Variants in SPTLC1 observed in about 807,000 individuals in gnomAD.
SPTLC1 encodes the protein serine palmitoyltransferase long chain base subunit 1, also known as serine palmitoyltransferase 1.
SPTLC1 carries 55 observed loss-of-function variants against 68.9 expected under a neutral mutation model. The observed-to-expected ratio is 0.80, with a 90% CI of 0.64 to 1.00. SPTLC1 has a LOEUF of 1.00. SPTLC1 is among the 50% of genes least tolerant of loss of function. The pLI is 0.00. For missense variants in SPTLC1, 449 were observed against 573.1 expected (o/e 0.78, Z 2.21); for synonymous variants, 197 against 201.6 (o/e 0.98, Z 0.19).
At chr9:92,051,112 T>G (rs916946436) in intron 8 of SPTLC1, 3 of 985,244 alleles carry the variant, frequency 3.0e-6, no homozygotes, top group Non-Finnish European at 3.6e-6. Context: ...CCTCCCATTA[T>G]TCTATCAACC....
intron 3 of SPTLC1, among the ~76,000 whole-genome samples, chr9:92,099,713 C>T (rs1835676995): frequency 6.6e-6 from 1 of 152,064 alleles, no homozygotes; most frequent in Admixed American, 6.5e-5. Context: ...AATTCCTGGG[C>T]TCAAGTGACC....
Position 92,034,933 on chromosome 9 carries a change from G to T in SPTLC1, c.1255-50C>A, listed in dbSNP as rs758523980. ...TGCAACCTGGACTTCAGACATGGTG[G>T]TAATTAAACTGGGGGAACGCTGAAA... On this transcript the variant is annotated intron_variant, in intron 13 of 14. Coordinates refer to ENST00000262554, the MANE Select transcript of SPTLC1 (RefSeq NM_006415.4). 4 of 1,455,308 alleles carry T rather than the reference G, an allele frequency of 2.7e-6. No homozygotes were observed. In the South Asian group the frequency reaches 4.5e-5, roughly 17 times the overall value. 90.1% of individuals were successfully genotyped at this position (1,455,308 alleles called of 1,614,324 possible). A position where few individuals can be genotyped will look rare whatever the true frequency, so the allele number is the denominator to read the frequency against.
chr9:92,097,072 G>A (rs1835552546), intron 3 of SPTLC1, among the ~76,000 whole-genome samples: 1 of 152,150 alleles, frequency 6.6e-6, no homozygotes, highest in Admixed American at 6.5e-5. Context: ...ATGAAAAGGT[G>A]CTCAACATCA....
intron 3 of SPTLC1, 68 bp from the exon 4 acceptor site, chr9:92,081,031 T>C (rs1834867549): frequency 1.6e-6 from 2 of 1,214,766 alleles, no homozygotes; most frequent in Non-Finnish European, 1.2e-6. Flanking sequence ...ATTACCTTGG[T>C]GGTAGGCACA....
chr9:92,115,036 T>A (rs1836395783), intron 1 of SPTLC1: 5 of 545,134 alleles, frequency 9.2e-6, no homozygotes, highest in East Asian at 3.2e-5. Context: ...ACCTGTCTCC[T>A]GCGTCCCCTT....
chr9:92,082,472 G>A (rs1048007074), intron 3 of SPTLC1, among the ~76,000 whole-genome samples: 57 of 143,528 alleles, frequency 4.0e-4, no homozygotes, highest in African/African-American at 1.3e-3. Flanking sequence ...TCCCACCTAT[G>A]AGTGAGAACA....
chr9:92,102,429 TG>T lies in SPTLC1; in HGVS notation c.260+6310del, dbSNP rs550051986. Among the ~76,000 whole-genome samples the T allele has an allele frequency of 3.3e-5, 5 of 152,348 alleles. No homozygotes were observed. The South Asian group carries it at 1.0e-3, about 32-fold the overall frequency. ...TCTTTCAAATCACCCTTGAGAAAGCTGAACATCAAAATAGTCAAAAATATTT... is the reference window on the plus strand; with the variant it reads ...TCTTTCAAATCACCCTTGAGAAAGCTAACATCAAAATAGTCAAAAATATTT... On this transcript the variant is annotated intron_variant, in intron 3 of 14. Coordinates refer to ENST00000262554, the MANE Select transcript of SPTLC1 (RefSeq NM_006415.4).
At chr9:92,107,473 C>T (rs1450472762) in intron 3 of SPTLC1, among the ~76,000 whole-genome samples, 1 of 152,244 alleles carries the variant, frequency 6.6e-6, no homozygotes, top group Non-Finnish European at 1.5e-5. Context: ...TAAATTTGGG[C>T]CAGGTGCGGC....
At chr9:92,081,092 T>C (rs1834869387) in intron 3 of SPTLC1, 129 bp from the exon 4 acceptor site, 1 of 707,138 alleles carries the variant, frequency 1.4e-6, no homozygotes, top group Non-Finnish European at 2.5e-6. Context: ...CTTTGATTTC[T>C]TGTTTTTAAG....
chr9:92,053,882 G>C lies in SPTLC1; in HGVS notation c.780+1523C>G, dbSNP rs906141401. On this transcript the variant is annotated intron_variant, in intron 8 of 14. Coordinates refer to ENST00000262554, the MANE Select transcript of SPTLC1 (RefSeq NM_006415.4). ...TAAATGTAATAAATGTCACTGTCCTGTACAATTTAAATTGGTTAATTTTGT... is the reference window on the plus strand; with the variant it reads ...TAAATGTAATAAATGTCACTGTCCTCTACAATTTAAATTGGTTAATTTTGT... 5 of 836,846 alleles carry C rather than the reference G, an allele frequency of 6.0e-6. No individual in the cohort carries two copies. In the Admixed American group the frequency reaches 3.1e-4, roughly 52 times the overall value. 51.8% of individuals were successfully genotyped at this position (836,846 alleles called of 1,614,324 possible).
At chr9:92,036,952 T>C (rs1296459912) in intron 13 of SPTLC1, among the ~76,000 whole-genome samples, 1 of 152,220 alleles carries the variant, frequency 6.6e-6, no homozygotes, top group Non-Finnish European at 1.5e-5. Context: ...CCTCACAAGA[T>C]AAGTAGCTCC....
At chr9:92,089,328 G>T (rs940015812) in intron 3 of SPTLC1, among the ~76,000 whole-genome samples, 1 of 152,130 alleles carries the variant, frequency 6.6e-6, no homozygotes, top group East Asian at 1.9e-4. Context: ...CAGGAGAATC[G>T]CTTGAACCCA....
At chr9:92,101,338 G>A (rs549891592) in intron 3 of SPTLC1, among the ~76,000 whole-genome samples, 11 of 151,962 alleles carry the variant, frequency 7.2e-5, no homozygotes, top group South Asian at 2.1e-4. Context: ...CGAGGTGGGC[G>A]GATCACGAGG....
At chr9:92,053,944 T>A in intron 8 of SPTLC1, 1 of 985,242 alleles carries the variant, frequency 1.0e-6, no homozygotes, top group South Asian at 4.7e-5. Context: ...GAAATCTCAA[T>A]GGTCATGGTT....
At chr9:92,099,172 G>C (rs1393055935) in intron 3 of SPTLC1, among the ~76,000 whole-genome samples, 1 of 152,202 alleles carries the variant, frequency 6.6e-6, no homozygotes, top group African/African-American at 2.4e-5. Context: ...AGAAAGGGCA[G>C]AGCAAGGTTG....
intron 6 of SPTLC1, among the ~76,000 whole-genome samples, chr9:92,060,703 G>T (rs567861431): frequency 2.0e-5 from 3 of 149,772 alleles, no homozygotes; most frequent in African/African-American, 7.4e-5. Context: ...TCAGGAGATC[G>T]AGACCATCCT....
At chr9:92,051,310 T>C (rs1029208818) in intron 8 of SPTLC1, 2 of 973,226 alleles carry the variant, frequency 2.1e-6, no homozygotes, top group East Asian at 1.1e-4. Context: ...GCAATGGTGG[T>C]TCAACATGGA....
At chr9:92,080,829 A>G in intron 4 of SPTLC1, 41 bp downstream of exon 4, 1 of 1,479,684 alleles carries the variant, frequency 6.8e-7, no homozygotes, top group Non-Finnish European at 9.4e-7. Context: ...TTCTTAAATC[A>G]GTAATGTTAT....
intron 2 of SPTLC1, among the ~76,000 whole-genome samples, chr9:92,112,205 A>G (rs1836275228): frequency 6.6e-6 from 1 of 152,148 alleles, no homozygotes; most frequent in Admixed American, 6.5e-5. Flanking sequence ...CCCTCTAACC[A>G]TCTATTTGCA....
Sources: allele counts gnomAD v4.1 joint callset (sites outside exome capture counted in the v4.1 genomes callset), GRCh38; gene constraint gnomAD v4.1.1; transcripts MANE v1.5; gene names NCBI Gene and HGNC (gene_info 2026-07-23, HGNC 2026-07-21).